Variants in RGS12 observed in about 807,000 individuals in gnomAD.
RGS12 encodes the protein regulator of G-protein signaling 12.
In RGS12, 66 loss-of-function variants were observed where a neutral mutation model predicts 120.1. The ratio of observed to expected loss-of-function variants is 0.55; its 90% CI spans 0.45 to 0.67. RGS12 has a LOEUF of 0.67. Among genes scored for constraint, RGS12 ranks in the 30% least tolerant of loss-of-function variants. The probability of loss-of-function intolerance (pLI) is 0.00; values close to 1 mark genes in which losing one functional copy is unlikely to be tolerated. For synonymous variants in RGS12, 827 were observed against 804.7 expected (o/e 1.03, Z -0.47); for missense variants, 1,859 against 1,957.7 (o/e 0.95, Z 0.95).
At chr4:3,348,322 AACTT>A (rs1401149790) in intron 3 of RGS12, among the ~76,000 whole-genome samples, 1 of 152,208 alleles carries the variant, frequency 6.6e-6, no homozygotes, top group African/African-American at 2.4e-5. Context: ...CAAAATAAAA[AACTT>A]AATAAAGACA....
rs1387040776 is a variant in RGS12, at chr4:3,296,838, A to G, written c.-102+3739A>G. ...CTGGGAAGGAAGACAAGCCTTGCTC[A>G]GGATGCAAGCCCCAGTCATGAGAGG... On this transcript the variant is annotated intron_variant, in intron 1 of 17. Transcript: ENST00000336727. Among the ~76,000 whole-genome samples, 3 of 152,346 alleles carry G rather than the reference A, an allele frequency of 2.0e-5. No homozygotes were observed. In the East Asian group the frequency reaches 5.8e-4, roughly 29 times the overall value.
Position 3,317,091 on chromosome 4 carries a change from C to G in RGS12, c.921C>G (p.Asp307Glu). ...EKLAFSAVCP[D>E]DRRFFGLVTM... ...TGGCCTTCAGCGCCGTGTGCCCGGACGACCGGCGATTTTTCGGGTTGGTTA... is the reference window on the plus strand; with the variant it reads ...TGGCCTTCAGCGCCGTGTGCCCGGAGGACCGGCGATTTTTCGGGTTGGTTA... The change falls in exon 2 of 18, where the codon GAC becomes GAG. Residue 307 changes from aspartate (D) to glutamate (E), a missense_variant. Transcript: ENST00000336727. 1 of 1,613,732 alleles carries G rather than the reference C, an allele frequency of 6.2e-7. No individual in the cohort carries two copies. Among genetic ancestry groups the G allele is most frequent in the Non-Finnish European group, 8.5e-7 (1 of 1,180,040 alleles).
intron 2 of RGS12, among the ~76,000 whole-genome samples, chr4:3,328,694 G>A (rs1443204630): frequency 1.3e-5 from 2 of 152,252 alleles, no homozygotes; most frequent in African/African-American, 4.8e-5. Flanking sequence ...TAGTTTTGCA[G>A]TTAGGTAGTA....
At chr4:3,288,876 C>T (rs1159916122), upstream of RGS12, among the ~76,000 whole-genome samples, 1 of 152,160 alleles carries the variant, frequency 6.6e-6, no homozygotes, top group Non-Finnish European at 1.5e-5. The surrounding 1 kb of genome is among the most constrained non-coding windows in gnomAD (Gnocchi z 5.2). Flanking sequence ...TTATGGACGC[C>T]GTCAACCCTG....
At chr4:3,362,019 C>T (rs1203308088) in intron 3 of RGS12, among the ~76,000 whole-genome samples, 1 of 152,200 alleles carries the variant, frequency 6.6e-6, no homozygotes, top group Non-Finnish European at 1.5e-5. Flanking sequence ...AGCGCTCCCC[C>T]TCGTCACCCT....
At chr4:3,304,512 G>A (rs1723866810) in intron 1 of RGS12, among the ~76,000 whole-genome samples, 1 of 152,224 alleles carries the variant, frequency 6.6e-6, no homozygotes, top group South Asian at 2.1e-4. Context: ...AGCCCGGACT[G>A]CAGTCAGCCA....
At chr4:3,338,140 A>G (rs1291832489) in intron 2 of RGS12, among the ~76,000 whole-genome samples, 1 of 152,236 alleles carries the variant, frequency 6.6e-6, no homozygotes, top group Non-Finnish European at 1.5e-5. Flanking sequence ...AGCTCACGGC[A>G]ACCTCTGCCT....
chr4:3,292,982 G>T (rs1723125607), upstream of RGS12: 1 of 139,620 alleles, frequency 7.2e-6, no homozygotes, highest in Non-Finnish European at 1.6e-5. Context: ...CCCCTCCTCC[G>T]GCCTCGGCCC....
chr4:3,376,082 A>G (rs1717654005), intron 3 of RGS12, among the ~76,000 whole-genome samples: 1 of 152,246 alleles, frequency 6.6e-6, no homozygotes, highest in Admixed American at 6.5e-5. Flanking sequence ...CTGCTGTCCC[A>G]GGAGGACACT....
At chr4:3,323,167 G>C (rs1037362791) in intron 2 of RGS12, among the ~76,000 whole-genome samples, 1 of 152,268 alleles carries the variant, frequency 6.6e-6, no homozygotes, top group Admixed American at 6.5e-5. Flanking sequence ...GCGGGAGGAC[G>C]AGCAAGCACC....
intron 17 of RGS12, among the ~76,000 whole-genome samples, chr4:3,435,907 C>T (rs1308663785): frequency 1.3e-5 from 2 of 152,210 alleles, no homozygotes; most frequent in Non-Finnish European, 2.9e-5. Context: ...CGGCTTGAAG[C>T]CCCTCCCTGG....
chr4:3,322,582 T>TATTA (rs886211658), intron 2 of RGS12, among the ~76,000 whole-genome samples: 1 of 152,204 alleles, frequency 6.6e-6, no homozygotes, highest in Non-Finnish European at 1.5e-5. Context: ...CTCAAAGTTA[T>TATTA]ATTAATTAAT....
intron 2 of RGS12, among the ~76,000 whole-genome samples, chr4:3,322,119 T>C (rs1203341450): frequency 6.6e-6 from 1 of 152,214 alleles, no homozygotes; most frequent in Admixed American, 6.5e-5. Context: ...CTTGCTCCTG[T>C]GAAAGCCTGG....
At chr4:3,297,917 T>C (rs551937569) in intron 1 of RGS12, among the ~76,000 whole-genome samples, 1 of 152,210 alleles carries the variant, frequency 6.6e-6, no homozygotes, top group African/African-American at 2.4e-5. Context: ...GTATTTTTTT[T>C]GGTCCTTGAT....
chr4:3,381,812 C>G (rs1238046461), intron 3 of RGS12, among the ~76,000 whole-genome samples: 1 of 152,222 alleles, frequency 6.6e-6, no homozygotes, highest in African/African-American at 2.4e-5. Flanking sequence ...TTCATACTTT[C>G]AGAGAAATTG....
intron 3 of RGS12, chr4:3,370,120 TTCCTGCAGTG>T: frequency 6.9e-7 from 1 of 1,446,002 alleles, no homozygotes. Flanking sequence ...AAGCCACAGC[TTCCTGCAGTG>T]TCCTGTTGCC....
Position 3,422,386 on chromosome 4 carries a change from G to A in RGS12, c.2849G>A (p.Cys950Tyr). Residue 950 changes from cysteine to tyrosine, a missense_variant, in exon 11 of 18, where the codon TGC becomes TAC. Cys to Tyr is a radical substitution (Grantham distance 194, BLOSUM62 -2). Coordinates refer to ENST00000336727, the MANE Select transcript of RGS12 (RefSeq NM_001394154.1). ...SAGSLDLSEA[C>Y]RTLAPEKDKA... The stretch of plus-strand genomic sequence containing the variant: ...CTCGCTGCTCCCCAGTCGGAGGCCT[G>A]CAGGACTTTGGCACCCGAGAAGGAC... 6.2e-7 allele frequency: 1 copy of A among 1,611,794 alleles called. No homozygotes were observed. Among genetic ancestry groups the A allele is most frequent in the South Asian group, 1.1e-5 (1 of 90,942 alleles).
intron 3 of RGS12, among the ~76,000 whole-genome samples, chr4:3,360,661 A>C (rs577339550): frequency 6.6e-6 from 1 of 152,336 alleles, no homozygotes. Flanking sequence ...AGGAGGCAAA[A>C]GCTTTTAAAA....
At chr4:3,289,809 C>A (rs574555336), upstream of RGS12, among the ~76,000 whole-genome samples, 75 of 152,278 alleles carry the variant, frequency 4.9e-4, 2 homozygotes, top group South Asian at 6.6e-3. Flanking sequence ...CCAATGTCTC[C>A]CCAATTCCTA....
Sources: gnomAD v4.1 joint callset for allele counts (sites outside exome capture counted in the v4.1 genomes callset) on GRCh38, gnomAD v4.1.1 for gene constraint, Gnocchi (gnomAD v3.1) non-coding constraint, MANE v1.5 for transcripts, NCBI Gene and HGNC (gene_info 2026-07-23, HGNC 2026-07-21) for gene names.